The following NTRK3 variants were observed in gnomAD, a reference collection of about 807,000 sequenced individuals.
NTRK3 encodes neurotrophic receptor tyrosine kinase 3.
NTRK3 carries 24 observed loss-of-function variants against 91.7 expected under a neutral mutation model. The observed-to-expected ratio is 0.26, with a 90% CI of 0.19 to 0.37. NTRK3 has a LOEUF of 0.37. NTRK3 is among the 10% of genes least tolerant of loss of function. The probability of loss-of-function intolerance (pLI) is 1.00; values close to 1 mark genes in which losing one functional copy is unlikely to be tolerated. For synonymous variants in NTRK3, 483 were observed against 404.0 expected (o/e 1.20, Z -2.34); for missense variants, 880 against 1,068.9 (o/e 0.82, Z 2.46).
intron 5 of NTRK3, among the ~76,000 whole-genome samples, chr15:88,179,713 TG>T (rs1168645724): frequency 6.6e-6 from 1 of 152,202 alleles, no homozygotes. Context: ...TCAATAATGC[TG>T]GTGGAGGAGA....
At chr15:88,003,670 A>G (rs2076275290) in intron 14 of NTRK3, among the ~76,000 whole-genome samples, 1 of 152,186 alleles carries the variant, frequency 6.6e-6, no homozygotes, top group Non-Finnish European at 1.5e-5. Context: ...GGACTGTGGA[A>G]CAAAGTTTCA....
At chr15:87,978,683 G>T (rs1352689952) in intron 14 of NTRK3, 3 of 232,760 alleles carry the variant, frequency 1.3e-5, no homozygotes, top group African/African-American at 6.6e-5. Flanking sequence ...AGGAAGTAGG[G>T]GGCAAGTATG....
chr15:87,902,757 C>G (rs771346401), intron 17 of NTRK3, among the ~76,000 whole-genome samples: 53 of 152,128 alleles, frequency 3.5e-4, no homozygotes, highest in Admixed American at 2.5e-3. Context: ...AAATTCGACT[C>G]TCAAGTTAGT....
At chr15:87,916,984 G>A (rs1288092303) in intron 17 of NTRK3, among the ~76,000 whole-genome samples, 3 of 152,120 alleles carry the variant, frequency 2.0e-5, no homozygotes, top group Non-Finnish European at 4.4e-5. Context: ...AGCTGGTCTC[G>A]AGCTCCTAAC....
chr15:88,151,521 C>A (rs1225713949), intron 5 of NTRK3, among the ~76,000 whole-genome samples: 1 of 152,102 alleles, frequency 6.6e-6, no homozygotes, highest in Non-Finnish European at 1.5e-5. Flanking sequence ...TGGTGGCACC[C>A]AAGTATGGCA....
chr15:87,866,576 A>G (rs1350489247), exon 19 of NTRK3: 1 of 179,510 alleles, frequency 5.6e-6, no homozygotes, highest in Non-Finnish European at 1.2e-5. Flanking sequence ...TTTGTTTTTA[A>G]TAGTAAATAT....
intron 16 of NTRK3, among the ~76,000 whole-genome samples, chr15:87,931,419 G>T (rs1166796376): frequency 6.6e-6 from 1 of 152,198 alleles, no homozygotes; most frequent in African/African-American, 2.4e-5. Context: ...GCTACCATTG[G>T]CTGATCACTG....
chr15:87,898,806 T>A, intron 17 of NTRK3, among the ~76,000 whole-genome samples: 1 of 119,642 alleles, frequency 8.4e-6, no homozygotes, highest in Non-Finnish European at 1.6e-5. Context: ...GCCAACACAG[T>A]GAAACTCTGT....
chr15:88,185,788 T>C (rs906705147), intron 3 of NTRK3, among the ~76,000 whole-genome samples: 2 of 152,104 alleles, frequency 1.3e-5, no homozygotes, highest in South Asian at 4.2e-4. Context: ...CCAACTCGAG[T>C]CAGAGCCAGC....
chr15:88,074,647 T>C (rs2047379159), intron 13 of NTRK3, among the ~76,000 whole-genome samples: 1 of 152,174 alleles, frequency 6.6e-6, no homozygotes, highest in African/African-American at 2.4e-5. Context: ...TAGTAAATGA[T>C]GACATCAATA....
chr15:88,044,026 C>G (rs897004112), intron 13 of NTRK3, among the ~76,000 whole-genome samples: 1 of 152,106 alleles, frequency 6.6e-6, no homozygotes, highest in Non-Finnish European at 1.5e-5. Context: ...ATCTGAAATA[C>G]CTGTGTAGTA....
chr15:88,188,308 T>C (rs750354750), intron 3 of NTRK3, among the ~76,000 whole-genome samples: 14 of 152,180 alleles, frequency 9.2e-5, no homozygotes, highest in Non-Finnish European at 1.6e-4. Context: ...TCATAATACA[T>C]TGGTTCTCAA....
intron 13 of NTRK3, among the ~76,000 whole-genome samples, chr15:88,090,997 G>C (rs1309492462): frequency 6.6e-6 from 1 of 152,182 alleles, no homozygotes; most frequent in Non-Finnish European, 1.5e-5. Context: ...ACTCATCTTA[G>C]GAGAGTTGCT....
At chr15:88,049,751 C>T (rs1177900397) in intron 13 of NTRK3, among the ~76,000 whole-genome samples, 1 of 152,160 alleles carries the variant, frequency 6.6e-6, no homozygotes, top group African/African-American at 2.4e-5. Context: ...CACTGTGGTG[C>T]AGCTGAGGGT....
intron 16 of NTRK3, among the ~76,000 whole-genome samples, chr15:87,930,910 A>G (rs553618396): frequency 6.6e-6 from 1 of 152,266 alleles, no homozygotes; most frequent in African/African-American, 2.4e-5. Flanking sequence ...AAGGGATCCC[A>G]TAGAGACACA....
chr15:88,107,544 T>C (rs1352705077), intron 13 of NTRK3, among the ~76,000 whole-genome samples: 1 of 152,044 alleles, frequency 6.6e-6, no homozygotes, highest in Non-Finnish European at 1.5e-5. Context: ...GAAGAGGTCA[T>C]GGTAGCACCC....
chr15:88,071,707 T>C (rs1041222974), intron 13 of NTRK3, among the ~76,000 whole-genome samples: 9 of 152,208 alleles, frequency 5.9e-5, no homozygotes, highest in Non-Finnish European at 1.3e-4. Context: ...CCAAGTTACA[T>C]AGCTTGAAAG....
rs990171424 is a variant in NTRK3, at chr15:87,879,812, T to C, written c.2292+458A>G. Among the ~76,000 whole-genome samples the C allele has an allele frequency of 6.6e-5, 10 of 152,252 alleles. 1 individual carries two copies. In the East Asian group the frequency reaches 7.7e-4, roughly 12 times the overall value. ...TATTTTATTCCTAGACGTTCACACA[T>C]GACTCTACCAGTTATAAAACTGGTC... On this transcript the variant is annotated intron_variant, in intron 18 of 18. Transcript: ENST00000394480.
At chr15:88,097,207 T>C (rs967420733) in intron 13 of NTRK3, among the ~76,000 whole-genome samples, 3 of 152,192 alleles carry the variant, frequency 2.0e-5, no homozygotes, top group African/African-American at 7.2e-5. Context: ...TACTAGAAAA[T>C]TTAACGTTAC....
Sources: gnomAD v4.1 joint callset for allele counts (sites outside exome capture counted in the v4.1 genomes callset) on GRCh38, gnomAD v4.1.1 for gene constraint, MANE v1.5 for transcripts, NCBI Gene and HGNC (gene_info 2026-07-23, HGNC 2026-07-21) for gene names.